The following CCDC175 variants were observed in gnomAD, a reference collection of about 807,000 sequenced individuals.
CCDC175 encodes coiled-coil domain-containing protein 175.
CCDC175 carries 100 observed loss-of-function variants against 114.6 expected under a neutral mutation model. The ratio of observed to expected loss-of-function variants is 0.87; its 90% CI spans 0.74 to 1.03. CCDC175 has a LOEUF of 1.03. CCDC175 is among the 50% of genes least tolerant of loss of function. The pLI, the probability that CCDC175 is intolerant of heterozygous loss-of-function variation, is 0.00. For missense variants in CCDC175, 880 were observed against 917.8 expected (o/e 0.96, Z 0.53); for synonymous variants, 306 against 308.7 (o/e 0.99, Z 0.09).
At position 59,541,376 on chromosome 14, in the gene CCDC175, A is replaced by C. The variant is rs376641271; in HGVS notation, c.1284-630T>G. Among the ~76,000 whole-genome samples, 42 of 152,352 alleles carry C rather than the reference A, an allele frequency of 2.8e-4. No homozygotes were observed. The East Asian group carries it at 4.2e-3, about 15-fold the overall frequency. ...ATGTGAAGATTCCAACATAGGTAAC[A>C]GAAGCCTTTATTTTTATCCCCAGCC... On this transcript the variant is annotated intron_variant, in intron 10 of 19. Coordinates refer to ENST00000537690, the MANE Select transcript of CCDC175 (RefSeq NM_001164399.2).
rs1693119200 is a variant in CCDC175, at chr14:59,569,586, G to C, written c.356-1206C>G. 2.0e-5 allele frequency among the ~76,000 whole-genome samples: 3 copies of C among 152,222 alleles called. No individual in the cohort carries two copies. In the South Asian group the frequency reaches 6.2e-4, roughly 32 times the overall value. On this transcript the variant is annotated intron_variant, in intron 3 of 19. Transcript: ENST00000537690. ...AAAGCAACCCAATCTAGAAACTAAA[G>C]AACAGCAAACAAAGAAAAAGAAAAA...
rs566320987 is a variant in CCDC175, at chr14:59,537,173, C to T, written c.1623+850G>A. Reference sequence around the variant, plus strand: ...GCTCCTCTTTTCAGTAGTTTTTCTCCTAGTATTTTTGTATGAAAAATGTGA... The same window carrying T: ...GCTCCTCTTTTCAGTAGTTTTTCTCTTAGTATTTTTGTATGAAAAATGTGA... On this transcript the variant is annotated intron_variant, in intron 13 of 19. Transcript: ENST00000537690. 1.6e-4 allele frequency among the ~76,000 whole-genome samples: 24 copies of T among 152,166 alleles called. No individual in the cohort carries two copies. In the South Asian group the frequency reaches 5.0e-3, roughly 32 times the overall value.
chr14:59,565,116 T>G lies in CCDC175; in HGVS notation c.651A>C (p.Gln217His), dbSNP rs1325588263. Residue 217 changes from glutamine (Q) to histidine (H), a missense_variant, in exon 5 of 20, where the codon CAA becomes CAC. Physicochemically the swap from Gln to His is conservative, Grantham distance 24. Coordinates refer to ENST00000537690, the MANE Select transcript of CCDC175 (RefSeq NM_001164399.2). The stretch of plus-strand genomic sequence containing the variant: ...CTTTTTCCATTAGCTCCTCTGCCTC[T>G]TGAATACATTTTTTTTGCAATGCTA... ...EDIALQKKCIQEAEELMEKER... is the reference protein window; with the variant it reads ...EDIALQKKCIHEAEELMEKER... 1 of 1,537,784 alleles carries G rather than the reference T, an allele frequency of 6.5e-7. No homozygotes were observed. The highest frequency in any genetic ancestry group is 8.7e-7 in the Non-Finnish European group (1 of 1,147,054).
rs921695707 is a variant in CCDC175 at position 59,551,291 on chromosome 14, T to C, written c.1035+64A>G. Reference sequence around the variant, plus strand: ...GAAAAATTCTATATTTCTCACATATTTTAAACATTAACTAAAAATGAAATG... The same window carrying C: ...GAAAAATTCTATATTTCTCACATATCTTAAACATTAACTAAAAATGAAATG... On this transcript the variant is annotated intron_variant, in intron 8 of 19. Transcript: ENST00000537690. The C allele has an allele frequency of 1.1e-5, 8 of 754,044 alleles. No homozygotes were observed. In the African/African-American group the frequency reaches 1.5e-4, roughly 14 times the overall value. 46.7% of individuals were successfully genotyped at this position (754,044 alleles called of 1,614,324 possible). A position where few individuals can be genotyped will look rare whatever the true frequency, so the allele number is the denominator to read the frequency against.
chr14:59,523,194 A>C (rs1893523497), intron 16 of CCDC175, among the ~76,000 whole-genome samples: 1 of 152,278 alleles, frequency 6.6e-6, no homozygotes, highest in Non-Finnish European at 1.5e-5. Flanking sequence ...CTAGTGGAAC[A>C]AATCAGTTTG....
intron 18 of CCDC175, among the ~76,000 whole-genome samples, 172 bp downstream of exon 18, chr14:59,511,588 G>A (rs964776447): frequency 6.9e-6 from 1 of 144,594 alleles, no homozygotes; most frequent in Admixed American, 6.9e-5. Flanking sequence ...AGGAGGTGGT[G>A]GTCACAGTAG....
chr14:59,545,542 C>T (rs984215305), intron 8 of CCDC175, among the ~76,000 whole-genome samples: 13 of 152,060 alleles, frequency 8.5e-5, no homozygotes, highest in African/African-American at 2.9e-4. Context: ...GAGTAATAAT[C>T]CATATTGAAA....
intron 8 of CCDC175, among the ~76,000 whole-genome samples, chr14:59,548,067 G>A (rs1007021135): frequency 5.3e-5 from 8 of 152,198 alleles, no homozygotes; most frequent in Middle Eastern, 3.4e-3. Flanking sequence ...TTCATCAGCC[G>A]ATGAATGGAT....
At chr14:59,518,273 T>A (rs1893221322) in intron 17 of CCDC175, among the ~76,000 whole-genome samples, 1 of 152,176 alleles carries the variant, frequency 6.6e-6, no homozygotes, top group Non-Finnish European at 1.5e-5. Flanking sequence ...AAGGACTTCA[T>A]GTCTAAAACA....
At chr14:59,536,972 G>A (rs987771816) in intron 13 of CCDC175, among the ~76,000 whole-genome samples, 3 of 151,956 alleles carry the variant, frequency 2.0e-5, no homozygotes, top group Non-Finnish European at 4.4e-5. Context: ...TAGTAGAGAC[G>A]AGGTTTCACT....
intron 12 of CCDC175, 73 bp from the exon 13 acceptor site, chr14:59,538,227 A>G: frequency 7.9e-7 from 1 of 1,273,220 alleles, no homozygotes; most frequent in South Asian, 1.5e-5. Context: ...TAGCCAGGAA[A>G]TTAATATCTC....
At chr14:59,528,775 T>C (rs1264805158) in intron 14 of CCDC175, among the ~76,000 whole-genome samples, 1 of 152,170 alleles carries the variant, frequency 6.6e-6, no homozygotes, top group East Asian at 1.9e-4. Context: ...GTTGTTGCTC[T>C]ATTTTTACAG....
intron 18 of CCDC175, among the ~76,000 whole-genome samples, chr14:59,511,312 C>T (rs1415384455): frequency 6.6e-6 from 1 of 152,100 alleles, no homozygotes; most frequent in Non-Finnish European, 1.5e-5. Context: ...ACTTTAAATA[C>T]TTAGAAAGTG....
intron 13 of CCDC175, among the ~76,000 whole-genome samples, chr14:59,537,439 C>T (rs2140025054): frequency 6.6e-6 from 1 of 152,296 alleles, no homozygotes; most frequent in East Asian, 1.9e-4. Flanking sequence ...TCTTCATTTT[C>T]AAACCTGATC....
chr14:59,531,584 G>A (rs564038659), intron 14 of CCDC175, among the ~76,000 whole-genome samples, 188 bp downstream of exon 14: 1 of 152,246 alleles, frequency 6.6e-6, no homozygotes, highest in Admixed American at 6.5e-5. Flanking sequence ...CAATAGCAAT[G>A]GTAAGATGGT....
At chr14:59,518,067 G>A (rs1406742157) in intron 17 of CCDC175, among the ~76,000 whole-genome samples, 1 of 152,102 alleles carries the variant, frequency 6.6e-6, no homozygotes, top group African/African-American at 2.4e-5. Flanking sequence ...ACAAGAAATG[G>A]GGAAACGATT....
Position 59,576,692 on chromosome 14 carries a change from C to G in CCDC175, c.84G>C (p.Leu28=). The part of the protein sequence containing the change: ...QAAAVSTGPS[L]ELCTLPSTLG... ...GGGTGGAGGGTAAGGTGCATAACTC[C>G]AGGGAGGGGCCAGTGGAGACGGCAG... Residue 28 remains leucine, a synonymous_variant, in exon 1 of 20, where the codon CTG becomes CTC. Coordinates refer to ENST00000537690, the MANE Select transcript of CCDC175 (RefSeq NM_001164399.2). 6.7e-7 allele frequency: 1 copy of G among 1,487,824 alleles called. No homozygotes were observed. Among genetic ancestry groups the G allele is most frequent in the Non-Finnish European group, 8.9e-7 (1 of 1,126,504 alleles). 92.2% of individuals were successfully genotyped at this position (1,487,824 alleles called of 1,614,324 possible). A position where few individuals can be genotyped will look rare whatever the true frequency, so the allele number is the denominator to read the frequency against.
At position 59,540,759 on chromosome 14, in the gene CCDC175, A is replaced by G. The variant is rs2140037180; in HGVS notation, c.1284-13T>C. On this transcript the variant is annotated splice_polypyrimidine_tract_variant and intron_variant, in intron 10 of 19. Transcript: ENST00000537690. ...TGTTTTTGTTGCTCTAAAAAGAAAA[A>G]CATATTGGATTTTGCATTTATGGGA... The G allele has an allele frequency of 6.5e-7, 1 of 1,527,332 alleles. No individual in the cohort carries two copies. Among genetic ancestry groups the G allele is most frequent in the East Asian group, 2.5e-5 (1 of 40,780 alleles). The allele number at this position is 1,527,332 out of a possible 1,614,324, so 94.6% of individuals were successfully genotyped here.
chr14:59,517,157 A>G (rs962050729), intron 17 of CCDC175, among the ~76,000 whole-genome samples: 3 of 152,230 alleles, frequency 2.0e-5, no homozygotes, highest in African/African-American at 7.2e-5. Flanking sequence ...TTCGGTATTG[A>G]TGGGATGTAT....
Sources: allele counts gnomAD v4.1 joint callset (sites outside exome capture counted in the v4.1 genomes callset), GRCh38; gene constraint gnomAD v4.1.1; transcripts MANE v1.5; gene names NCBI Gene and HGNC (gene_info 2026-07-23, HGNC 2026-07-21).